The following LBH variants were observed in gnomAD, a reference collection of about 807,000 sequenced individuals.
LBH encodes protein LBH.
In LBH, 7 loss-of-function variants were observed where a neutral mutation model predicts 12.5. The ratio of observed to expected loss-of-function variants is 0.56; its 90% CI spans 0.32 to 1.05. The LOEUF is 1.05. Ranked by LOEUF, LBH falls within the 50% of genes least tolerant of loss-of-function variation. The probability of loss-of-function intolerance (pLI) is 0.04; values close to 1 mark genes in which losing one functional copy is unlikely to be tolerated. For synonymous variants in LBH, 51 were observed against 50.1 expected, an observed-to-expected ratio of 1.02 and a Z score of -0.08; for missense variants, 119 against 138.9, an observed-to-expected ratio of 0.86 and a Z score of 0.72.
chr2:30,243,620 TC>T (rs1473424514), intron 2 of LBH, among the ~76,000 whole-genome samples: 1 of 142,338 alleles, frequency 7.0e-6, no homozygotes, highest in Non-Finnish European at 1.5e-5. Context: ...AACCTCCGCC[TC>T]CCTGGTTCAA....
chr2:30,246,084 A>C (rs1677865126), intron 2 of LBH, among the ~76,000 whole-genome samples: 1 of 151,420 alleles, frequency 6.6e-6, no homozygotes. Flanking sequence ...TCAGCCTCCC[A>C]AGTAGCTGGA....
intron 2 of LBH, among the ~76,000 whole-genome samples, chr2:30,256,190 C>T (rs1228625487): frequency 6.6e-6 from 1 of 152,178 alleles, no homozygotes; most frequent in African/African-American, 2.4e-5. Flanking sequence ...AGGGAATCCG[C>T]AGAGCCAGAT....
At chr2:30,256,398 A>C (rs1290975706) in intron 2 of LBH, 2 of 152,280 alleles carry the variant, frequency 1.3e-5, no homozygotes, top group Non-Finnish European at 2.9e-5. Flanking sequence ...CCTGCCTGTG[A>C]CTGGGGACCA....
At chr2:30,252,067 C>T (rs1156410192) in intron 2 of LBH, among the ~76,000 whole-genome samples, 1 of 152,164 alleles carries the variant, frequency 6.6e-6, no homozygotes, top group Non-Finnish European at 1.5e-5. Flanking sequence ...GGTGATATGG[C>T]TTGGCCGTGT....
At chr2:30,249,236 T>A (rs1458615962) in intron 2 of LBH, among the ~76,000 whole-genome samples, 1 of 152,222 alleles carries the variant, frequency 6.6e-6, no homozygotes, top group Non-Finnish European at 1.5e-5. Flanking sequence ...GATAATAAAA[T>A]AGCAGGAGGC....
At chr2:30,242,820 T>C (rs1240105996) in intron 2 of LBH, among the ~76,000 whole-genome samples, 5 of 152,244 alleles carry the variant, frequency 3.3e-5, no homozygotes, top group African/African-American at 1.2e-4. Flanking sequence ...TGTGGCATAT[T>C]ATGTTCTTAC....
chr2:30,254,981 G>A (rs1439337393), intron 2 of LBH, among the ~76,000 whole-genome samples: 1 of 152,228 alleles, frequency 6.6e-6, no homozygotes, highest in African/African-American at 2.4e-5. Context: ...TGTGAAATGG[G>A]GTGGAGACCC....
intron 1 of LBH, chr2:30,232,370 G>C (rs1457009464): frequency 1.5e-5 from 15 of 985,484 alleles, no homozygotes; most frequent in Non-Finnish European, 2.1e-5. Context: ...GTGGGGGCCG[G>C]GACTGGGAGG....
At chr2:30,232,461 A>G in intron 1 of LBH, 1 of 465,080 alleles carries the variant, frequency 2.2e-6, no homozygotes, top group Non-Finnish European at 3.8e-6. Flanking sequence ...TGGGGATCGG[A>G]GCCGGGAGGG....
In LBH at chr2:30,259,938, T is replaced by C. The variant is rs1321412226; in HGVS notation, c.*2317T>C. ...TCCTGTAACTTCTATCTGTTCTTTT[T>C]TGAGGCTCAGGGAGAAACTAGCATT... is the stretch of plus-strand genomic sequence containing the variant. On this transcript the variant is annotated 3_prime_UTR_variant, in exon 3 of 3. Transcript: ENST00000395323. 1 of 152,276 alleles carries C rather than the reference T, an allele frequency of 6.6e-6. No individual in the cohort carries two copies. Among genetic ancestry groups the C allele is most frequent in the Non-Finnish European group, 1.5e-5 (1 of 67,982 alleles). 9.4% of individuals were successfully genotyped at this position (152,276 alleles called of 1,614,324 possible).
At position 30,259,419 on chromosome 2, in the gene LBH, G is replaced by A. The variant is rs3817143; in HGVS notation, c.*1798G>A. The A allele has an allele frequency of 0.14, 21,641 of 152,812 alleles. 1,907 individuals are homozygous for A. The highest frequency in any genetic ancestry group is 0.2 in the Non-Finnish European group (13,383 of 68,050). The allele number at this position is 152,812 out of a possible 1,614,324, so 9.5% of individuals were successfully genotyped here. Reference sequence around the variant, plus strand: ...AGGCCGGCAGCCTGCACCGAGAGGGGCTTTCCTCTCTCTTGCTCCCCGCTT... The same window carrying A: ...AGGCCGGCAGCCTGCACCGAGAGGGACTTTCCTCTCTCTTGCTCCCCGCTT... On this transcript the variant is annotated 3_prime_UTR_variant, in exon 3 of 3. Transcript: ENST00000395323.
rs993666505 is a variant in LBH at position 30,258,456 on chromosome 2, G to C, written c.*835G>C. 3 of 152,354 alleles carry C rather than the reference G, an allele frequency of 2.0e-5. No individual in the cohort carries two copies. The highest frequency in any genetic ancestry group is 7.2e-5 in the African/African-American group (3 of 41,558). The allele number at this position is 152,354 out of a possible 1,614,324, so 9.4% of individuals were successfully genotyped here. A position where few individuals can be genotyped will look rare whatever the true frequency, so the allele number is the denominator to read the frequency against. ...AGTAGTGAGAGCACTTCCTGCCCTT[G>C]TTGGAAGCCCCAGGGTGGACACTCA... On this transcript the variant is annotated 3_prime_UTR_variant, in exon 3 of 3. Transcript: ENST00000395323.
At chr2:30,254,928 AAGGCCCAG>A (rs1255038476) in intron 2 of LBH, among the ~76,000 whole-genome samples, 2 of 152,260 alleles carry the variant, frequency 1.3e-5, no homozygotes, top group African/African-American at 4.8e-5. Flanking sequence ...CTGGGCAGTG[AAGGCCCAG>A]AGTCTTACTC....
At chr2:30,238,456 A>T (rs1677728454) in intron 2 of LBH, among the ~76,000 whole-genome samples, 1 of 152,074 alleles carries the variant, frequency 6.6e-6, no homozygotes, top group South Asian at 2.1e-4. Flanking sequence ...TTCTGCTTTT[A>T]TTCTTGGTCA....
At position 30,231,721 on chromosome 2, in the gene LBH, A is replaced by C; in HGVS notation, c.-18A>C. 1.3e-6 allele frequency: 2 copies of C among 1,589,538 alleles called. No individual in the cohort carries two copies. Among genetic ancestry groups the C allele is most frequent in the Non-Finnish European group, 1.7e-6 (2 of 1,167,936 alleles). ...TTTTTAAATCACAGGGGCGTGTGTC[A>C]GCCTGCCCTAGGACTTCATGTCTAT... is the stretch of plus-strand genomic sequence containing the variant. On this transcript the variant is annotated 5_prime_UTR_variant, in exon 1 of 3. Coordinates refer to ENST00000395323, the MANE Select transcript of LBH (RefSeq NM_030915.4).
rs781684481 is a variant in LBH at position 30,259,297 on chromosome 2, A to G, written c.*1676A>G. 4.1e-4 allele frequency: 63 copies of G among 152,608 alleles called. No individual in the cohort carries two copies. The highest frequency in any genetic ancestry group is 7.5e-4 in the Non-Finnish European group (51 of 68,060). The allele number at this position is 152,608 out of a possible 1,614,324, so 9.5% of individuals were successfully genotyped here. On this transcript the variant is annotated 3_prime_UTR_variant, in exon 3 of 3. Transcript: ENST00000395323. Reference sequence around the variant, plus strand: ...CGCGGAATTCCGTTCTGGGAAGCCAATGGTCGCCGGCACCCCTTGCTTCCT... The same window carrying G: ...CGCGGAATTCCGTTCTGGGAAGCCAGTGGTCGCCGGCACCCCTTGCTTCCT...
chr2:30,252,748 G>A (rs748428393), intron 2 of LBH, among the ~76,000 whole-genome samples: 24 of 152,166 alleles, frequency 1.6e-4, no homozygotes, highest in Non-Finnish European at 3.4e-4. Context: ...AACACACTTG[G>A]TGTCCATTGG....
chr2:30,236,233 A>G (rs1446747561), intron 2 of LBH, among the ~76,000 whole-genome samples: 1 of 152,224 alleles, frequency 6.6e-6, no homozygotes, highest in African/African-American at 2.4e-5. Context: ...CGTTTTCTCA[A>G]TGCTTCGAGT....
chr2:30,239,815 G>C (rs1482744244), intron 2 of LBH, among the ~76,000 whole-genome samples: 2 of 152,162 alleles, frequency 1.3e-5, no homozygotes, highest in Admixed American at 1.3e-4. Flanking sequence ...TGTTCACCTT[G>C]TTCAGAGCAA....
Sources: allele counts gnomAD v4.1 joint callset (sites outside exome capture counted in the v4.1 genomes callset), GRCh38; gene constraint gnomAD v4.1.1; transcripts MANE v1.5; gene names NCBI Gene and HGNC (gene_info 2026-07-23, HGNC 2026-07-21).